SEC14L1: variants seen among roughly 807,000 people sequenced by gnomAD.
SEC14L1 encodes the protein SEC14 like lipid binding 1, also known as SEC14-like protein 1.
SEC14L1 carries 48 observed loss-of-function variants against 85.3 expected under a neutral mutation model. That is an observed-to-expected ratio of 0.56 (90% CI 0.45 to 0.72). SEC14L1 has a LOEUF of 0.72. Among genes scored for constraint, SEC14L1 ranks in the 30% least tolerant of loss-of-function variants. SEC14L1 has a pLI of 0.00. For missense variants in SEC14L1, 682 were observed against 921.4 expected (o/e 0.74, Z 3.36); for synonymous variants, 391 against 355.5 (o/e 1.10, Z -1.12).
At chr17:77,200,226 G>A (rs540100307) in intron 8 of SEC14L1, among the ~76,000 whole-genome samples, 3 of 152,102 alleles carry the variant, frequency 2.0e-5, no homozygotes, top group African/African-American at 4.8e-5. Flanking sequence ...TTTTAGGGCA[G>A]TAATGTGATC....
intron 3 of SEC14L1, among the ~76,000 whole-genome samples, chr17:77,153,638 T>G (rs1973671418): frequency 6.6e-6 from 1 of 152,200 alleles, no homozygotes; most frequent in South Asian, 2.1e-4. Context: ...ATGTAGTGCA[T>G]GCAGCAGGCA....
At chr17:77,176,836 C>G (rs1974778330) in intron 3 of SEC14L1, among the ~76,000 whole-genome samples, 1 of 152,174 alleles carries the variant, frequency 6.6e-6, no homozygotes. Flanking sequence ...ATCCGCCCAC[C>G]TTGACCTCCC....
chr17:77,168,817 C>T lies in SEC14L1; in HGVS notation c.64-21986C>T, dbSNP rs752381733. Among the ~76,000 whole-genome samples, 98 of 152,214 alleles carry T rather than the reference C, an allele frequency of 6.4e-4. 1 individual carries two copies. Among genetic ancestry groups the T allele is most frequent in the South Asian group, 6.2e-4 (3 of 4,826 alleles). On this transcript the variant is annotated intron_variant, in intron 3 of 16. Coordinates refer to ENST00000436233, the MANE Select transcript of SEC14L1 (RefSeq NM_001143998.2). ...GGCATCGTCTGCATAATTGACAAAC[C>T]GCTGTTGATTATAGTAAATGTAATT...
chr17:77,111,399 T>G (rs568644078), intron 3 of SEC14L1, among the ~76,000 whole-genome samples: 1 of 151,378 alleles, frequency 6.6e-6, no homozygotes, highest in African/African-American at 2.4e-5. Context: ...TTGAAGTGTT[T>G]TTTTTTTTTT....
intron 8 of SEC14L1, among the ~76,000 whole-genome samples, chr17:77,196,690 A>G (rs1230336306): frequency 6.6e-6 from 1 of 151,510 alleles, no homozygotes; most frequent in African/African-American, 2.5e-5. Context: ...TTAGCCTCAT[A>G]AAGGTGTAAA....
At chr17:77,187,631 G>A (rs1275734152) in intron 3 of SEC14L1, among the ~76,000 whole-genome samples, 1 of 152,000 alleles carries the variant, frequency 6.6e-6, no homozygotes, top group Admixed American at 6.6e-5. Flanking sequence ...GCCTGCCTTG[G>A]CCTCCCTAAG....
intron 7 of SEC14L1, 76 bp downstream of exon 7, chr17:77,194,987 G>C (rs1296829105): frequency 1.9e-6 from 2 of 1,026,216 alleles, no homozygotes; most frequent in African/African-American, 3.2e-5. Flanking sequence ...TGTTTGCTCT[G>C]CCTGTTCCCG....
At chr17:77,138,830 A>T (rs1314620154), upstream of SEC14L1, among the ~76,000 whole-genome samples, 1 of 152,164 alleles carries the variant, frequency 6.6e-6, no homozygotes, top group Non-Finnish European at 1.5e-5. Flanking sequence ...TCAAGAAAAA[A>T]AAAATGGAAA....
chr17:77,169,229 C>T (rs1343138271), intron 3 of SEC14L1, among the ~76,000 whole-genome samples: 2 of 152,084 alleles, frequency 1.3e-5, no homozygotes, highest in Non-Finnish European at 2.9e-5. Flanking sequence ...TGACTACACC[C>T]TGTTAGGTCT....
intron 3 of SEC14L1, among the ~76,000 whole-genome samples, chr17:77,161,186 C>T (rs912709090): frequency 6.6e-6 from 1 of 152,278 alleles, no homozygotes; most frequent in East Asian, 1.9e-4. Flanking sequence ...ATTTAAGTAA[C>T]GTTATAATAA....
At chr17:77,172,815 G>A (rs1915001) in intron 3 of SEC14L1, among the ~76,000 whole-genome samples, 40,409 of 151,892 alleles carry the variant, frequency 0.27, 5,548 homozygotes, top group Middle Eastern at 0.33. Flanking sequence ...TTTTGGATGC[G>A]GAATACAGAT....
At chr17:77,212,503 C>T (rs1027011095) in intron 15 of SEC14L1, among the ~76,000 whole-genome samples, 2 of 152,228 alleles carry the variant, frequency 1.3e-5, no homozygotes, top group African/African-American at 2.4e-5. Context: ...CCCCCCGCCT[C>T]ATTTCACCGG....
At chr17:77,136,177 T>G (rs1019791434), upstream of SEC14L1, among the ~76,000 whole-genome samples, 1 of 150,744 alleles carries the variant, frequency 6.6e-6, no homozygotes, top group Non-Finnish European at 1.5e-5. Context: ...GCCTGGCCCC[T>G]TCTCTTTCTT....
At chr17:77,166,942 A>G (rs1330268572) in intron 3 of SEC14L1, among the ~76,000 whole-genome samples, 1 of 152,214 alleles carries the variant, frequency 6.6e-6, no homozygotes, top group Non-Finnish European at 1.5e-5. Flanking sequence ...TAGGCTCTCC[A>G]TATATACATG....
intron 3 of SEC14L1, among the ~76,000 whole-genome samples, chr17:77,182,988 C>T (rs1049203304): frequency 2.0e-5 from 3 of 152,236 alleles, no homozygotes; most frequent in Admixed American, 1.3e-4. Flanking sequence ...CGCTGTGCTG[C>T]GCACCAGGCC....
rs773460029 is a variant in SEC14L1, at chr17:77,213,543, GA to G, written c.2042+52del. On this transcript the variant is annotated intron_variant, in intron 16 of 16. Coordinates refer to ENST00000436233, the MANE Select transcript of SEC14L1 (RefSeq NM_001143998.2). This position sits in a 1 kb window ranked among gnomAD's most constrained non-coding sequence, Gnocchi z 7.1. ...TGCTGCGGACAGCTGGGCATGGTTG[GA>G]GGGAGCCTGCAGTCCCACGCCGTGT... 6.3e-7 allele frequency: 1 copy of G among 1,593,506 alleles called. No individual in the cohort carries two copies. Among genetic ancestry groups the G allele is most frequent in the Non-Finnish European group, 8.5e-7 (1 of 1,174,906 alleles).
intron 4 of SEC14L1, 110 bp from the exon 5 acceptor site, chr17:77,191,071 G>A: frequency 6.6e-7 from 1 of 1,518,610 alleles, no homozygotes; most frequent in Admixed American, 1.8e-5. Context: ...GTCCTGGAGG[G>A]AGAGGGCGTC....
chr17:77,105,069 T>G (rs1032686554), intron 3 of SEC14L1, among the ~76,000 whole-genome samples: 8 of 152,128 alleles, frequency 5.3e-5, no homozygotes, highest in African/African-American at 1.9e-4. Context: ...CGCGGTTTCA[T>G]TCTTTTGAGT....
In SEC14L1 at chr17:77,213,550, C is replaced by G; in HGVS notation, c.2042+58C>G. 1 of 1,582,630 alleles carries G rather than the reference C, an allele frequency of 6.3e-7. No individual in the cohort carries two copies. Among genetic ancestry groups the G allele is most frequent in the Non-Finnish European group, 8.6e-7 (1 of 1,165,540 alleles). On this transcript the variant is annotated intron_variant, in intron 16 of 16. Transcript: ENST00000436233. The surrounding 1 kb of genome is among the most constrained non-coding windows in gnomAD (Gnocchi z 7.1). ...GACAGCTGGGCATGGTTGGAGGGAG[C>G]CTGCAGTCCCACGCCGTGTGCAGGA...
Sources: allele counts gnomAD v4.1 joint callset (sites outside exome capture counted in the v4.1 genomes callset), GRCh38; gene constraint gnomAD v4.1.1; non-coding constraint Gnocchi (gnomAD v3.1); transcripts MANE v1.5; gene names NCBI Gene and HGNC (gene_info 2026-07-23, HGNC 2026-07-21).